Variants in USP7 observed in about 807,000 individuals in gnomAD.
The protein encoded by USP7 is ubiquitin specific peptidase 7, also known as ubiquitin C-terminal hydrolase 7.
Under a neutral mutation model 162.9 loss-of-function variants are expected in USP7, and 9 were observed. That is an observed-to-expected ratio of 0.06 (90% confidence interval 0.03 to 0.10). The LOEUF (loss-of-function observed/expected upper bound fraction) is 0.10, where lower values mean the gene tolerates loss of function less well. USP7 is among the 10% of genes least tolerant of loss of function. The probability of loss-of-function intolerance (pLI) is 1.00; values close to 1 mark genes in which losing one functional copy is unlikely to be tolerated. For synonymous variants in USP7, 562 were observed against 475.9 expected, an observed-to-expected ratio of 1.18 and a Z score of -2.35; for missense variants, 715 against 1,373.7, an observed-to-expected ratio of 0.52 and a Z score of 7.58.
intron 1 of USP7, among the ~76,000 whole-genome samples, chr16:8,937,797 A>G (rs967563436): frequency 1.3e-5 from 2 of 152,208 alleles, no homozygotes; most frequent in African/African-American, 4.8e-5. Context: ...TTGGGAGATG[A>G]AACACAAAAC....
intron 16 of USP7, 69 bp downstream of exon 16, chr16:8,903,199 T>C (rs781651186): frequency 5.1e-6 from 8 of 1,566,224 alleles, no homozygotes; most frequent in Non-Finnish European, 6.9e-6. Context: ...ATCAGTATTT[T>C]CTAGTGACAC....
chr16:8,943,502 A>C (rs1899139547), intron 1 of USP7, among the ~76,000 whole-genome samples: 1 of 152,100 alleles, frequency 6.6e-6, no homozygotes, highest in African/African-American at 2.4e-5. Context: ...CAAGAGCCAA[A>C]GGATCAACAC....
intron 11 of USP7, among the ~76,000 whole-genome samples, chr16:8,909,162 C>T (rs1236534917): frequency 6.6e-6 from 1 of 152,244 alleles, no homozygotes; most frequent in African/African-American, 2.4e-5. Context: ...ATCACTGCTC[C>T]ATCTTGGCCA....
At chr16:8,960,173 C>A (rs1899956672) in intron 1 of USP7, among the ~76,000 whole-genome samples, 1 of 152,176 alleles carries the variant, frequency 6.6e-6, no homozygotes, top group Non-Finnish European at 1.5e-5. Context: ...TTATTCCCAG[C>A]CAGACCTAAT....
intron 25 of USP7, among the ~76,000 whole-genome samples, chr16:8,897,715 A>AT (rs1272676811): frequency 1.1e-4 from 6 of 56,974 alleles, no homozygotes; most frequent in African/African-American, 1.8e-4. Flanking sequence ...AAAAAAAAAA[A>AT]AAAAAAAAAA....
chr16:8,898,504 CAT>C, intron 24 of USP7, 25 bp downstream of exon 24: 1 of 1,605,474 alleles, frequency 6.2e-7, no homozygotes, highest in African/African-American at 1.3e-5. Flanking sequence ...CTTTATGACC[CAT>C]AGTTACATTA....
At chr16:8,953,304 C>T (rs1175149073) in intron 1 of USP7, among the ~76,000 whole-genome samples, 4 of 152,104 alleles carry the variant, frequency 2.6e-5, no homozygotes, top group Admixed American at 2.0e-4. Context: ...CAGTCCCATC[C>T]GGGGTAGAGT....
At position 8,921,238 on chromosome 16, in the gene USP7, TTCA is replaced by T; in HGVS notation, c.438_440del (p.Asp146del). Reference sequence around the variant, plus strand: ...GACTAATACGACGACTGAACGACTTTTCATCATCTCTGTAATTTATTATCTTCA... The same window carrying T: ...GACTAATACGACGACTGAACGACTTTTCATCTCTGTAATTTATTATCTTCA... On this transcript the variant is annotated inframe_deletion, in exon 4 of 31. Transcript: ENST00000344836. 6.2e-7 allele frequency: 1 copy of T among 1,614,174 alleles called. No homozygotes were observed. The highest frequency in any genetic ancestry group is 8.5e-7 in the Non-Finnish European group (1 of 1,180,036).
At chr16:8,908,919 G>C (rs1056460733) in intron 11 of USP7, among the ~76,000 whole-genome samples, 1 of 152,220 alleles carries the variant, frequency 6.6e-6, no homozygotes. Flanking sequence ...CTGATGAGTC[G>C]GCAGGATTAT....
intron 10 of USP7, 124 bp downstream of exon 10, chr16:8,915,130 G>C: frequency 2.2e-6 from 2 of 923,936 alleles, no homozygotes; most frequent in Non-Finnish European, 3.2e-6. Context: ...TGAGCTGTTT[G>C]CTTAAGATCT....
At chr16:8,942,137 C>CAA (rs1164414377) in intron 1 of USP7, among the ~76,000 whole-genome samples, 1 of 152,228 alleles carries the variant, frequency 6.6e-6, no homozygotes, top group Non-Finnish European at 1.5e-5. Flanking sequence ...TGGGCAGGGC[C>CAA]AAAGCTATGG....
At chr16:8,958,207 T>C (rs1313681349) in intron 1 of USP7, among the ~76,000 whole-genome samples, 2 of 152,078 alleles carry the variant, frequency 1.3e-5, no homozygotes, top group Non-Finnish European at 2.9e-5. Flanking sequence ...GGGCAAAAAG[T>C]GCATGGGTCT....
intron 5 of USP7, among the ~76,000 whole-genome samples, chr16:8,919,823 G>T (rs1897586929): frequency 6.6e-6 from 1 of 152,072 alleles, no homozygotes; most frequent in Non-Finnish European, 1.5e-5. Context: ...CCAGTGCTGG[G>T]GGAGACACCT....
chr16:8,958,680 T>C (rs771329841), intron 1 of USP7, among the ~76,000 whole-genome samples: 4 of 152,112 alleles, frequency 2.6e-5, no homozygotes, highest in African/African-American at 9.7e-5. Context: ...TGCCACTATC[T>C]AGTGTTCCAC....
At chr16:8,907,873 A>T (rs1176129397) in intron 12 of USP7, among the ~76,000 whole-genome samples, 1 of 152,226 alleles carries the variant, frequency 6.6e-6, no homozygotes, top group Non-Finnish European at 1.5e-5. Flanking sequence ...TGGCATACAA[A>T]CAACTACTTT....
At chr16:8,901,316 A>C in intron 18 of USP7, 82 bp from the exon 19 acceptor site, 1 of 837,742 alleles carries the variant, frequency 1.2e-6, no homozygotes, top group Non-Finnish European at 1.7e-6. Context: ...ACAAACAAAA[A>C]AACGAAAAAA....
chr16:8,900,872 A>T, intron 20 of USP7, 118 bp downstream of exon 20: 1 of 1,002,304 alleles, frequency 1.0e-6, no homozygotes, highest in Non-Finnish European at 1.5e-6. Flanking sequence ...AGATCATCTG[A>T]GGCCCTGAGT....
rs567398102 is a variant in USP7 at position 8,921,400 on chromosome 16, A to T, written c.384-105T>A. ...CACCAAAATTCCCATTTATGATTTC[A>T]TTGCTCTCTCCTTTCGGGTTGGGGT... On this transcript the variant is annotated intron_variant, in intron 3 of 30. Coordinates refer to ENST00000344836, the MANE Select transcript of USP7 (RefSeq NM_003470.3). The T allele has an allele frequency of 1.9e-4, 256 of 1,327,716 alleles. 3 individuals carry two copies. Among genetic ancestry groups the T allele is most frequent in the Admixed American group, 1.1e-3 (49 of 42,994 alleles). The allele number at this position is 1,327,716 out of a possible 1,614,324, so 82.2% of individuals were successfully genotyped here.
intron 10 of USP7, among the ~76,000 whole-genome samples, chr16:8,914,336 T>C (rs535347573): frequency 1.1e-4 from 16 of 151,984 alleles, no homozygotes; most frequent in African/African-American, 3.1e-4. Flanking sequence ...GACTGTGCAA[T>C]TGATAAACCA....
Sources: allele counts gnomAD v4.1 joint callset (sites outside exome capture counted in the v4.1 genomes callset), GRCh38; gene constraint gnomAD v4.1.1; transcripts MANE v1.5; gene names NCBI Gene and HGNC (gene_info 2026-07-23, HGNC 2026-07-21).